Variants in ARHGAP17 observed in about 807,000 individuals in gnomAD.
ARHGAP17 encodes rho GTPase-activating protein 17.
In ARHGAP17, 57 loss-of-function variants were observed where a neutral mutation model predicts 99.5. The ratio of observed to expected loss-of-function variants is 0.57; its 90% confidence interval spans 0.46 to 0.71. ARHGAP17 has a LOEUF of 0.71. ARHGAP17 is among the 30% of genes least tolerant of loss of function. ARHGAP17 has a pLI of 0.00. For synonymous variants in ARHGAP17, 417 were observed against 429.6 expected (o/e 0.97, Z 0.36); for missense variants, 1,000 against 1,122.4 (o/e 0.89, Z 1.56).
chr16:24,937,686 G>T (rs1426262717), intron 17 of ARHGAP17, among the ~76,000 whole-genome samples: 1 of 152,110 alleles, frequency 6.6e-6, no homozygotes, highest in African/African-American at 2.4e-5. Context: ...AATGCACAAA[G>T]CATTCAGCAT....
chr16:24,991,014 G>A (rs1040374267), intron 1 of ARHGAP17, among the ~76,000 whole-genome samples: 17 of 152,032 alleles, frequency 1.1e-4, no homozygotes, highest in African/African-American at 3.1e-4. Context: ...TTTACGCTGC[G>A]GCCTTCACAG....
At chr16:25,009,172 C>T (rs2053579995) in intron 1 of ARHGAP17, among the ~76,000 whole-genome samples, 1 of 152,130 alleles carries the variant, frequency 6.6e-6, no homozygotes, top group Non-Finnish European at 1.5e-5. Flanking sequence ...TCAAGACCAG[C>T]CTGGCCAACA....
At chr16:24,970,410 C>T in intron 4 of ARHGAP17, 97 bp downstream of exon 4, 3 of 1,174,926 alleles carry the variant, frequency 2.6e-6, no homozygotes, top group African/African-American at 1.5e-5. Context: ...GCCATCAACG[C>T]TCACAGTTCC....
chr16:25,009,153 G>A (rs1023526473), intron 1 of ARHGAP17, among the ~76,000 whole-genome samples: 3 of 152,128 alleles, frequency 2.0e-5, no homozygotes, highest in African/African-American at 7.2e-5. Context: ...ATCACCTGAG[G>A]TCAGGGGTTC....
intron 1 of ARHGAP17, among the ~76,000 whole-genome samples, chr16:25,014,391 C>T (rs1468588904): frequency 6.6e-6 from 1 of 152,212 alleles, no homozygotes; most frequent in African/African-American, 2.4e-5. Context: ...CAAATCATTT[C>T]TTGTTCTGAC....
chr16:24,985,205 CACTA>C, intron 1 of ARHGAP17, among the ~76,000 whole-genome samples: 1 of 141,864 alleles, frequency 7.0e-6, no homozygotes, highest in Admixed American at 6.9e-5. Context: ...CACACACACA[CACTA>C]AATAATATAA....
intron 3 of ARHGAP17, among the ~76,000 whole-genome samples, chr16:24,974,158 C>A (rs931739515): frequency 4.6e-5 from 7 of 152,248 alleles, no homozygotes; most frequent in Non-Finnish European, 8.8e-5. Flanking sequence ...TGGCCAGGCA[C>A]GGAGGCTCAC....
intron 1 of ARHGAP17, among the ~76,000 whole-genome samples, chr16:24,992,613 C>T (rs1340592342): frequency 6.6e-6 from 1 of 152,118 alleles, no homozygotes; most frequent in Admixed American, 6.5e-5. Context: ...GGATTACAGG[C>T]GTGAGCCACC....
At chr16:25,010,870 T>C (rs2053626754) in intron 1 of ARHGAP17, among the ~76,000 whole-genome samples, 1 of 152,230 alleles carries the variant, frequency 6.6e-6, no homozygotes, top group African/African-American at 2.4e-5. Flanking sequence ...CTCTAGGCAT[T>C]TGGGTTTACA....
rs148333219 is a variant in ARHGAP17, at chr16:24,935,473, G to A, written c.1891C>T (p.Arg631Ter). ...AAGGAGGACGGTGGCTGCTTACCTC[G>A]GCGCAGTGTATGCGGGCTGGGCCCT... ...AAGPSPHTLRRAVKKPAPAPP... is the reference protein window; with the variant it reads ...AAGPSPHTLR The change falls in exon 18 of 20, where the codon CGA (arginine) becomes TGA (stop). Residue 631 changes from arginine (R) to a stop codon, truncating the protein, a stop_gained. Coordinates refer to ENST00000289968, the MANE Select transcript of ARHGAP17 (RefSeq NM_001006634.3). LOFTEE classifies it high-confidence loss of function. 3.8e-6 allele frequency: 6 copies of A among 1,591,818 alleles called. No homozygotes were observed. The highest frequency in any genetic ancestry group is 2.3e-5 in the East Asian group (1 of 44,348).
chr16:25,001,441 C>T (rs894368509), intron 1 of ARHGAP17, among the ~76,000 whole-genome samples: 2 of 152,132 alleles, frequency 1.3e-5, no homozygotes, highest in African/African-American at 4.8e-5. Context: ...ACCCAATAAA[C>T]ATCATTTGAA....
At chr16:24,962,331 A>G (rs1036356340) in intron 7 of ARHGAP17, among the ~76,000 whole-genome samples, 6 of 152,204 alleles carry the variant, frequency 3.9e-5, no homozygotes, top group African/African-American at 1.4e-4. Context: ...ATGCATAAAG[A>G]TAAGATTCCT....
At chr16:24,970,649 T>C (rs1349303337) in intron 3 of ARHGAP17, 69 bp from the exon 4 acceptor site, 1 of 1,423,136 alleles carries the variant, frequency 7.0e-7, no homozygotes, top group African/African-American at 1.4e-5. Context: ...CTTTTTCAGA[T>C]CATCATTCAT....
rs781598317 is a variant in ARHGAP17 at position 24,935,636 on chromosome 16, A to T, written c.1728T>A (p.Pro576=). ...EQGPSPGDGS[P]PKPKDPVSAA... ...CAGATACAGGGTCCTTCGGTTTGGGAGGACTAAGAGGAGTAAAAGTCAAGT... is the reference window on the plus strand; with the variant it reads ...CAGATACAGGGTCCTTCGGTTTGGGTGGACTAAGAGGAGTAAAAGTCAAGT... The change falls in exon 18 of 20, where the codon CCT becomes CCA. Residue 576 remains proline, a synonymous_variant. Coordinates refer to ENST00000289968, the MANE Select transcript of ARHGAP17 (RefSeq NM_001006634.3). 1 of 1,613,676 alleles carries T rather than the reference A, an allele frequency of 6.2e-7. No individual in the cohort carries two copies. Among genetic ancestry groups the T allele is most frequent in the African/African-American group, 1.3e-5 (1 of 74,886 alleles).
intron 1 of ARHGAP17, among the ~76,000 whole-genome samples, chr16:24,990,046 G>A (rs2052990213): frequency 6.6e-6 from 1 of 152,212 alleles, no homozygotes; most frequent in African/African-American, 2.4e-5. Flanking sequence ...AAACGTTCAA[G>A]GTGATGGATA....
chr16:24,949,291 TTTG>T (rs916033943), intron 13 of ARHGAP17, 110 bp downstream of exon 13: 116 of 754,672 alleles, frequency 1.5e-4, no homozygotes, highest in East Asian at 4.9e-4. Context: ...TGTGGTTTTT[TTTG>T]TTGTTGTTGT....
At chr16:24,979,064 A>C in intron 1 of ARHGAP17, 59 bp from the exon 2 acceptor site, 1 of 1,225,778 alleles carries the variant, frequency 8.2e-7, no homozygotes, top group Non-Finnish European at 1.2e-6. Context: ...CAACTCCTAA[A>C]ATTTAATAAT....
chr16:24,977,989 G>A (rs533428832), intron 2 of ARHGAP17, among the ~76,000 whole-genome samples: 2 of 152,070 alleles, frequency 1.3e-5, no homozygotes, highest in African/African-American at 4.8e-5. Context: ...ACCATTTTAC[G>A]CATCGAGATG....
intron 14 of ARHGAP17, 72 bp downstream of exon 14, chr16:24,947,410 T>A: frequency 1.5e-6 from 2 of 1,301,458 alleles, no homozygotes; most frequent in Middle Eastern, 2.0e-4. Context: ...ATGTGTAACC[T>A]GAGTTACATT....
Sources: allele counts gnomAD v4.1 joint callset (sites outside exome capture counted in the v4.1 genomes callset), GRCh38; gene constraint gnomAD v4.1.1; transcripts MANE v1.5; gene names NCBI Gene and HGNC (gene_info 2026-07-23, HGNC 2026-07-21).